Variants in RGS7BP observed in about 807,000 individuals in gnomAD.
RGS7BP encodes regulator of G protein signaling 7 binding protein, also known as regulator of G protein signaling 7-binding protein.
RGS7BP carries 9 observed loss-of-function variants against 31.3 expected under a neutral mutation model. The observed-to-expected ratio is 0.29, with a 90% confidence interval of 0.17 to 0.50. The LOEUF (loss-of-function observed/expected upper bound fraction) is 0.50. RGS7BP is among the 20% of genes least tolerant of loss of function. The pLI, the probability that RGS7BP is intolerant of heterozygous loss-of-function variation, is 0.98. For missense variants in RGS7BP, 274 were observed against 322.0 expected, an observed-to-expected ratio of 0.85 and a Z score of 1.14; for synonymous variants, 115 against 120.1, an observed-to-expected ratio of 0.96 and a Z score of 0.28.
intron 2 of RGS7BP, among the ~76,000 whole-genome samples, chr5:64,566,751 G>C (rs924009750): frequency 6.6e-6 from 1 of 151,932 alleles, no homozygotes; most frequent in African/African-American, 2.4e-5. Flanking sequence ...GGAATGCTGG[G>C]GTTTATTGTG....
At position 64,590,468 on chromosome 5, in the gene RGS7BP, A is replaced by T. The variant is rs545140381; in HGVS notation, c.464-4242A>T. Reference sequence around the variant, plus strand: ...TGAAACAGTTCCAAGAGAAAACTGCATTCAACTTTATGCTATTAAAAATGT... The same window carrying T: ...TGAAACAGTTCCAAGAGAAAACTGCTTTCAACTTTATGCTATTAAAAATGT... On this transcript the variant is annotated intron_variant, in intron 3 of 5. Coordinates refer to ENST00000334025, the MANE Select transcript of RGS7BP (RefSeq NM_001029875.3). Among the ~76,000 whole-genome samples, 4 of 152,300 alleles carry T rather than the reference A, an allele frequency of 2.6e-5. No individual in the cohort carries two copies. The South Asian group carries it at 8.3e-4, about 32-fold the overall frequency.
Position 64,506,807 on chromosome 5 carries a change from C to CTTT in RGS7BP, c.165+19_165+20insTTT. ...GCAAGATGGTGGGTGAAAACTGCGC[C>CTTT]TCTTTTTTTTTTTTTTTAATTGAGA... On this transcript the variant is annotated intron_variant, in intron 1 of 5. Coordinates refer to ENST00000334025, the MANE Select transcript of RGS7BP (RefSeq NM_001029875.3). This position sits in a 1 kb window ranked among gnomAD's most constrained non-coding sequence, Gnocchi z 4.6. 1.5e-6 allele frequency: 2 copies of CTTT among 1,323,950 alleles called. No individual in the cohort carries two copies. The highest frequency in any genetic ancestry group is 1.4e-5 in the South Asian group (1 of 69,274). The allele number at this position is 1,323,950 out of a possible 1,614,324, so 82.0% of individuals were successfully genotyped here.
chr5:64,512,072 T>G (rs1748852370), intron 2 of RGS7BP, among the ~76,000 whole-genome samples: 1 of 152,124 alleles, frequency 6.6e-6, no homozygotes. Flanking sequence ...GGAGCCAACA[T>G]CCTCCAGCAC....
At chr5:64,589,281 G>A (rs1290133359) in intron 3 of RGS7BP, among the ~76,000 whole-genome samples, 3 of 151,576 alleles carry the variant, frequency 2.0e-5, no homozygotes, top group African/African-American at 7.3e-5. Flanking sequence ...GGGCAACAGA[G>A]ACAGACTCTG....
chr5:64,608,740 G>A (rs1743428289), intron 5 of RGS7BP, among the ~76,000 whole-genome samples: 1 of 152,014 alleles, frequency 6.6e-6, no homozygotes, highest in Admixed American at 6.6e-5. Flanking sequence ...AATAGCAGAG[G>A]CAGGTTTAGA....
intron 2 of RGS7BP, among the ~76,000 whole-genome samples, chr5:64,515,769 A>G (rs1214403085): frequency 6.6e-6 from 1 of 151,562 alleles, no homozygotes; most frequent in African/African-American, 2.4e-5. Context: ...CTTATTTGTG[A>G]GATTGACTCT....
chr5:64,526,493 C>A (rs372607338), intron 2 of RGS7BP, among the ~76,000 whole-genome samples: 1 of 152,302 alleles, frequency 6.6e-6, no homozygotes, highest in South Asian at 2.1e-4. Context: ...AGAAGGCAGT[C>A]TTTTCCTAAT....
chr5:64,543,379 C>A (rs1434571206), intron 2 of RGS7BP, among the ~76,000 whole-genome samples: 1 of 152,224 alleles, frequency 6.6e-6, no homozygotes, highest in Non-Finnish European at 1.5e-5. Flanking sequence ...GGTGCAAAAA[C>A]CCCATGAAAG....
intron 2 of RGS7BP, among the ~76,000 whole-genome samples, chr5:64,522,409 C>T (rs1259959755): frequency 1.3e-5 from 2 of 152,112 alleles, no homozygotes; most frequent in Non-Finnish European, 2.9e-5. Context: ...TGATTCAGCC[C>T]TCACTAAAGA....
At chr5:64,538,342 T>G (rs969390929) in intron 2 of RGS7BP, among the ~76,000 whole-genome samples, 30 of 152,002 alleles carry the variant, frequency 2.0e-4, no homozygotes, top group Admixed American at 2.0e-4. Flanking sequence ...TCTCTCATGT[T>G]GCCACTTCAT....
intron 2 of RGS7BP, among the ~76,000 whole-genome samples, chr5:64,558,590 A>G (rs1032236514): frequency 2.0e-5 from 3 of 152,164 alleles, no homozygotes; most frequent in Non-Finnish European, 2.9e-5. Context: ...TTTTTGAACA[A>G]TATGAAATCT....
intron 2 of RGS7BP, among the ~76,000 whole-genome samples, chr5:64,547,481 T>A (rs928733152): frequency 6.6e-6 from 1 of 152,202 alleles, no homozygotes; most frequent in Non-Finnish European, 1.5e-5. Context: ...CTGGTACTTA[T>A]AACAATTTCA....
At chr5:64,518,004 C>A (rs552866949) in intron 2 of RGS7BP, among the ~76,000 whole-genome samples, 2 of 152,152 alleles carry the variant, frequency 1.3e-5, no homozygotes, top group African/African-American at 4.8e-5. Context: ...AGGTGGGAAG[C>A]AGCTAGAAAA....
chr5:64,598,462 C>G lies in RGS7BP; in HGVS notation c.682+27C>G, dbSNP rs369413408. Reference sequence around the variant, plus strand: ...TGAGTCTTGTCACTTCTCTTTGAGGCAGAGGATGTTTTTAATGGGATAACC... The same window carrying G: ...TGAGTCTTGTCACTTCTCTTTGAGGGAGAGGATGTTTTTAATGGGATAACC... On this transcript the variant is annotated intron_variant, in intron 5 of 5. Transcript: ENST00000334025. 8 of 1,430,704 alleles carry G rather than the reference C, an allele frequency of 5.6e-6. No homozygotes were observed. In the African/African-American group the frequency reaches 1.1e-4, roughly 20 times the overall value. The allele number at this position is 1,430,704 out of a possible 1,614,324, so 88.6% of individuals were successfully genotyped here. A position where few individuals can be genotyped will look rare whatever the true frequency, so the allele number is the denominator to read the frequency against.
In RGS7BP at chr5:64,521,344, G is replaced by A. The variant is rs536843718; in HGVS notation, c.332+13467G>A. 3.9e-5 allele frequency among the ~76,000 whole-genome samples: 6 copies of A among 152,204 alleles called. 1 individual carries two copies. The highest frequency in any genetic ancestry group is 7.2e-5 in the African/African-American group (3 of 41,532). On this transcript the variant is annotated intron_variant, in intron 2 of 5. Coordinates refer to ENST00000334025, the MANE Select transcript of RGS7BP (RefSeq NM_001029875.3). ...GTGGCCTTGGCTCACTGCAACCTCC[G>A]TCTCCCGGGTTCAAGGATTCTCCTG...
intron 5 of RGS7BP, 79 bp from the exon 6 acceptor site, chr5:64,609,082 T>C (rs948209363): frequency 1.2e-5 from 11 of 883,820 alleles, no homozygotes; most frequent in Admixed American, 1.0e-4. Flanking sequence ...AGGAGGATGG[T>C]GGATTTTTAA....
intron 2 of RGS7BP, among the ~76,000 whole-genome samples, chr5:64,552,782 G>T (rs1004540791): frequency 1.3e-4 from 20 of 152,050 alleles, no homozygotes; most frequent in African/African-American, 4.8e-4. Context: ...TTGCTATGTT[G>T]CCCAGGCTGG....
At chr5:64,528,810 C>CA (rs61488452) in intron 2 of RGS7BP, among the ~76,000 whole-genome samples, 908 of 65,252 alleles carry the variant, frequency 0.014, 41 homozygotes, top group African/African-American at 0.036. Flanking sequence ...GACTCCATCT[C>CA]AAAAAAAAAA....
At chr5:64,516,683 G>A (rs777384332) in intron 2 of RGS7BP, among the ~76,000 whole-genome samples, 6 of 152,164 alleles carry the variant, frequency 3.9e-5, no homozygotes, top group Non-Finnish European at 8.8e-5. Flanking sequence ...CCTCTGGGGA[G>A]GTAAGGATAG....
Sources: allele counts gnomAD v4.1 joint callset (sites outside exome capture counted in the v4.1 genomes callset), GRCh38; gene constraint gnomAD v4.1.1; non-coding constraint Gnocchi (gnomAD v3.1); transcripts MANE v1.5; gene names NCBI Gene and HGNC (gene_info 2026-07-23, HGNC 2026-07-21).